EYA1: variants seen among roughly 807,000 people sequenced by gnomAD.
EYA1 encodes the protein EYA transcriptional coactivator and phosphatase 1, also known as protein phosphatase EYA1.
A neutral mutation model predicts 82.0 loss-of-function variants in EYA1; 16 were observed. That is an observed-to-expected ratio of 0.20 (90% confidence interval 0.13 to 0.30). EYA1 has a LOEUF of 0.30. Among genes scored for constraint, EYA1 ranks in the 10% least tolerant of loss-of-function variants. The pLI is 1.00. For missense variants in EYA1, 633 were observed against 730.7 expected, an observed-to-expected ratio of 0.87 and a Z score of 1.54; for synonymous variants, 261 against 264.4, an observed-to-expected ratio of 0.99 and a Z score of 0.12.
At position 71,523,177 on chromosome 8, in the gene EYA1, T is replaced by TC. The variant is rs1318096707; in HGVS notation, c.33+12566_33+12567insG. On this transcript the variant is annotated intron_variant, in intron 2 of 18. Transcript: ENST00000643681. ...GCTCTTTTTCTTTTCTTTTTTCTTT[T>TC]TCTTTTTTTTTTTTTTTTTGAGACG... 9.5e-5 allele frequency among the ~76,000 whole-genome samples: 11 copies of TC among 115,938 alleles called. 1 individual carries two copies. The highest frequency in any genetic ancestry group is 9.3e-5 in the Admixed American group (1 of 10,708). The allele number at this position is 115,938 out of a possible 152,430, so 76.1% of individuals were successfully genotyped here.
intron 3 of EYA1, among the ~76,000 whole-genome samples, chr8:71,347,726 T>G (rs1211132638): frequency 6.6e-6 from 1 of 152,120 alleles, no homozygotes; most frequent in Non-Finnish European, 1.5e-5. Flanking sequence ...ATAAATACAA[T>G]GATGAAATGG....
chr8:71,461,464 G>A (rs1421155850), intron 2 of EYA1, among the ~76,000 whole-genome samples: 2 of 152,152 alleles, frequency 1.3e-5, no homozygotes, highest in Non-Finnish European at 2.9e-5. Flanking sequence ...GGGGTATGTG[G>A]TAGCACCCAG....
chr8:71,416,339 C>T (rs1290061272), intron 2 of EYA1, among the ~76,000 whole-genome samples: 1 of 152,166 alleles, frequency 6.6e-6, no homozygotes, highest in Non-Finnish European at 1.5e-5. Flanking sequence ...GTTTCTTAGC[C>T]CTGCCTATGT....
rs1426566068 is a variant in EYA1 at position 71,215,349 on chromosome 8, A to G, written c.1597+38T>C. The G allele has an allele frequency of 1.2e-6, 2 of 1,601,728 alleles. 1 individual carries two copies. The highest frequency in any genetic ancestry group is 2.2e-5 in the South Asian group (2 of 90,632). Reference sequence around the variant, plus strand: ...TTTCGTTTTTATTATCCTGAAGGAAAAGAGCTGATTGTTAAAAAGAAAAGA... The same window carrying G: ...TTTCGTTTTTATTATCCTGAAGGAAGAGAGCTGATTGTTAAAAAGAAAAGA... On this transcript the variant is annotated intron_variant, in intron 16 of 17. Transcript: ENST00000340726.
At chr8:71,524,561 C>A (rs538325664) in intron 2 of EYA1, among the ~76,000 whole-genome samples, 1 of 152,190 alleles carries the variant, frequency 6.6e-6, no homozygotes, top group Admixed American at 6.5e-5. Flanking sequence ...AATACAACAG[C>A]CTCATTAAAG....
chr8:71,483,834 G>A (rs1033879260), intron 2 of EYA1, among the ~76,000 whole-genome samples: 5 of 152,112 alleles, frequency 3.3e-5, no homozygotes, highest in African/African-American at 7.2e-5. Context: ...TTCCGGCTGA[G>A]GAAATGAGTT....
chr8:71,492,961 G>A (rs1175717730), intron 2 of EYA1, among the ~76,000 whole-genome samples: 1 of 152,086 alleles, frequency 6.6e-6, no homozygotes, highest in African/African-American at 2.4e-5. Flanking sequence ...TCCTCTTTGT[G>A]TGTCCATATG....
At chr8:71,349,640 A>C (rs764083832) in intron 3 of EYA1, among the ~76,000 whole-genome samples, 1 of 152,184 alleles carries the variant, frequency 6.6e-6, no homozygotes, top group African/African-American at 2.4e-5. Flanking sequence ...ATAAGTTCCA[A>C]TTATGCTGCA....
intron 2 of EYA1, among the ~76,000 whole-genome samples, chr8:71,384,140 T>A (rs1282512909): frequency 6.6e-6 from 1 of 152,126 alleles, no homozygotes; most frequent in Non-Finnish European, 1.5e-5. Context: ...CACTAAGAGG[T>A]AAGTTTAGAC....
intron 2 of EYA1, among the ~76,000 whole-genome samples, chr8:71,506,076 C>A (rs1316144337): frequency 6.6e-6 from 1 of 152,160 alleles, no homozygotes; most frequent in Non-Finnish European, 1.5e-5. Context: ...CCATGTGGAA[C>A]TGTGAGTCAA....
At chr8:71,445,201 C>T (rs1806783770) in intron 2 of EYA1, among the ~76,000 whole-genome samples, 1 of 152,108 alleles carries the variant, frequency 6.6e-6, no homozygotes, top group African/African-American at 2.4e-5. Flanking sequence ...CTTCGTCATC[C>T]ATCCTCATTC....
intron 3 of EYA1, among the ~76,000 whole-genome samples, chr8:71,347,310 T>G (rs543637533): frequency 6.6e-6 from 1 of 151,946 alleles, no homozygotes; most frequent in East Asian, 1.9e-4. Context: ...CCCTAAAGAT[T>G]GTTTTATTTA....
At chr8:71,469,946 A>G (rs1023583979) in intron 2 of EYA1, among the ~76,000 whole-genome samples, 15 of 152,104 alleles carry the variant, frequency 9.9e-5, no homozygotes, top group African/African-American at 3.6e-4. Context: ...GAATTGCCCC[A>G]GCTGTTCCCC....
At chr8:71,541,069 A>C (rs892161548) in intron 1 of EYA1, among the ~76,000 whole-genome samples, 2 of 152,156 alleles carry the variant, frequency 1.3e-5, no homozygotes, top group Non-Finnish European at 2.9e-5. Context: ...CATGTCTGTC[A>C]CCTCTTCTGT....
chr8:71,252,694 T>C (rs2128918842), intron 11 of EYA1, among the ~76,000 whole-genome samples: 1 of 152,276 alleles, frequency 6.6e-6, no homozygotes, highest in East Asian at 1.9e-4. Flanking sequence ...TCCTATACTC[T>C]GAAGATCTAG....
chr8:71,535,827 A>G, exon 2 of EYA1: 3 of 1,298,694 alleles, frequency 2.3e-6, no homozygotes, highest in Non-Finnish European at 3.1e-6. Flanking sequence ...CACTTCTTCA[A>G]AGGGTTCCAA....
intron 2 of EYA1, among the ~76,000 whole-genome samples, chr8:71,480,138 T>C (rs930896916): frequency 6.6e-6 from 1 of 152,200 alleles, no homozygotes; most frequent in African/African-American, 2.4e-5. Context: ...CTAAAGTTTA[T>C]CCATAACGTA....
intron 9 of EYA1, among the ~76,000 whole-genome samples, chr8:71,275,674 A>G (rs1330419590): frequency 6.6e-6 from 1 of 152,180 alleles, no homozygotes; most frequent in Non-Finnish European, 1.5e-5. Flanking sequence ...ATCACCCAAG[A>G]AACAGGTAAA....
At chr8:71,434,967 TAC>T (rs146598728) in intron 2 of EYA1, among the ~76,000 whole-genome samples, 3,175 of 151,346 alleles carry the variant, frequency 0.021, 112 homozygotes, top group African/African-American at 0.071. Flanking sequence ...CATACATATG[TAC>T]ACACACACAC....
Sources: allele counts gnomAD v4.1 joint callset (sites outside exome capture counted in the v4.1 genomes callset), GRCh38; gene constraint gnomAD v4.1.1; transcripts MANE v1.5; gene names NCBI Gene and HGNC (gene_info 2026-07-23, HGNC 2026-07-21).